Variants in LRMDA observed in about 807,000 individuals in gnomAD.
LRMDA encodes the protein leucine rich melanocyte differentiation associated.
A neutral mutation model predicts 29.8 loss-of-function variants in LRMDA; 18 were observed. The observed-to-expected ratio is 0.60, with a 90% CI of 0.42 to 0.90. The LOEUF (loss-of-function observed/expected upper bound fraction) is 0.90. Ranked by LOEUF, LRMDA falls within the 40% of genes least tolerant of loss-of-function variation. The pLI is 0.00. For missense variants in LRMDA, 273 were observed against 273.9 expected, an observed-to-expected ratio of 1.00 and a Z score of 0.02; for synonymous variants, 125 against 109.4, an observed-to-expected ratio of 1.14 and a Z score of -0.89.
intron 5 of LRMDA, among the ~76,000 whole-genome samples, chr10:76,210,478 G>C (rs1323946090): frequency 6.6e-6 from 1 of 152,162 alleles, no homozygotes; most frequent in Non-Finnish European, 1.5e-5. Context: ...ACTGTACATA[G>C]TAAGTGCTCA....
At chr10:75,492,155 T>G (rs1357653312) in intron 2 of LRMDA, among the ~76,000 whole-genome samples, 1 of 152,254 alleles carries the variant, frequency 6.6e-6, no homozygotes, top group African/African-American at 2.4e-5. Context: ...ATTTCTGCCT[T>G]GGCATGTGAC....
intron 5 of LRMDA, among the ~76,000 whole-genome samples, chr10:76,135,358 A>G (rs1850074487): frequency 6.6e-6 from 1 of 152,176 alleles, no homozygotes; most frequent in Non-Finnish European, 1.5e-5. Flanking sequence ...ATTTGATTTC[A>G]GATTTAAGTG....
chr10:75,996,309 G>A (rs1182553352), intron 2 of LRMDA, among the ~76,000 whole-genome samples: 1 of 152,218 alleles, frequency 6.6e-6, no homozygotes, highest in Non-Finnish European at 1.5e-5. Context: ...TTGAATCTAG[G>A]TTCATGGGGA....
intron 5 of LRMDA, among the ~76,000 whole-genome samples, chr10:76,263,639 T>C (rs1213117601): frequency 6.6e-6 from 1 of 152,198 alleles, no homozygotes; most frequent in Non-Finnish European, 1.5e-5. Context: ...ATCCCTACCG[T>C]CTTGCATAGT....
In LRMDA at chr10:75,852,644, T is replaced by C. The variant is rs527334401; in HGVS notation, c.132-183364T>C. Among the ~76,000 whole-genome samples, 9 of 152,300 alleles carry C rather than the reference T, an allele frequency of 5.9e-5. No homozygotes were observed. In the South Asian group the frequency reaches 1.7e-3, roughly 28 times the overall value. ...GATTGTTAGCAAATCTATTCAGAGC[T>C]GACAAGGAAATTCTCTGTTGCCTAT... On this transcript the variant is annotated intron_variant, in intron 2 of 6. Coordinates refer to ENST00000611255, the MANE Select transcript of LRMDA (RefSeq NM_001305581.2).
intron 5 of LRMDA, among the ~76,000 whole-genome samples, chr10:76,178,854 A>C (rs1850989300): frequency 6.6e-6 from 1 of 152,202 alleles, no homozygotes; most frequent in Admixed American, 6.5e-5. Context: ...TCTCAGAGGA[A>C]ATCCCTCATT....
chr10:76,063,252 AAT>A (rs1848731117), intron 5 of LRMDA, among the ~76,000 whole-genome samples: 1 of 152,304 alleles, frequency 6.6e-6, no homozygotes, highest in South Asian at 2.1e-4. Context: ...TGTGGTAATA[AAT>A]ATGTCTGTGA....
chr10:76,456,067 C>G (rs549729420), intron 6 of LRMDA, among the ~76,000 whole-genome samples: 63 of 152,222 alleles, frequency 4.1e-4, no homozygotes, highest in African/African-American at 1.4e-3. Flanking sequence ...GTATGAATAT[C>G]CCTCAGAGAA....
At chr10:76,262,355 C>T (rs1839954683) in intron 5 of LRMDA, among the ~76,000 whole-genome samples, 1 of 152,196 alleles carries the variant, frequency 6.6e-6, no homozygotes, top group Admixed American at 6.5e-5. Flanking sequence ...CTGCTCCACT[C>T]ATGTACGCGC....
Position 75,969,693 on chromosome 10 carries a change from T to A in LRMDA, c.132-66315T>A, listed in dbSNP as rs577144852. Among the ~76,000 whole-genome samples, 9 of 152,364 alleles carry A rather than the reference T, an allele frequency of 5.9e-5. No homozygotes were observed. In the South Asian group the frequency reaches 1.9e-3, roughly 32 times the overall value. Reference sequence around the variant, plus strand: ...TTTTCTCTTTCTGAAAGAAGGATGATGCCTTTAGTAGCATCTTAAACTATG... The same window carrying A: ...TTTTCTCTTTCTGAAAGAAGGATGAAGCCTTTAGTAGCATCTTAAACTATG... On this transcript the variant is annotated intron_variant, in intron 2 of 6. Coordinates refer to ENST00000611255, the MANE Select transcript of LRMDA (RefSeq NM_001305581.2).
At chr10:75,728,468 G>A (rs1339205783) in intron 2 of LRMDA, among the ~76,000 whole-genome samples, 2 of 145,928 alleles carry the variant, frequency 1.4e-5, no homozygotes, top group Admixed American at 6.7e-5. Context: ...GTGTGTGTGT[G>A]TGTATGAAAG....
chr10:76,420,234 T>G lies in LRMDA; in HGVS notation c.601+95749T>G, dbSNP rs1025167327. On this transcript the variant is annotated intron_variant, in intron 6 of 6. Transcript: ENST00000611255. ...GCATTTAATTACAGATTTAATTTCTTTAAGATATATGACTATTCTATTCTT... is the reference window on the plus strand; with the variant it reads ...GCATTTAATTACAGATTTAATTTCTGTAAGATATATGACTATTCTATTCTT... 5.3e-5 allele frequency among the ~76,000 whole-genome samples: 8 copies of G among 152,152 alleles called. No homozygotes were observed. In the South Asian group the frequency reaches 8.3e-4, roughly 16 times the overall value.
intron 2 of LRMDA, among the ~76,000 whole-genome samples, chr10:75,613,929 G>A (rs537371368): frequency 2.6e-5 from 4 of 152,312 alleles, no homozygotes; most frequent in African/African-American, 9.6e-5. Flanking sequence ...GGGAAATGCA[G>A]TAAAATTTAT....
At chr10:75,848,780 C>A (rs1287791448) in intron 2 of LRMDA, among the ~76,000 whole-genome samples, 1 of 152,152 alleles carries the variant, frequency 6.6e-6, no homozygotes, top group African/African-American at 2.4e-5. Context: ...ACAGCCACAC[C>A]TGCATCACTC....
intron 5 of LRMDA, among the ~76,000 whole-genome samples, chr10:76,320,848 C>T (rs1036804261): frequency 2.0e-5 from 3 of 152,216 alleles, no homozygotes; most frequent in Non-Finnish European, 4.4e-5. Flanking sequence ...CAAACATTTT[C>T]ATGAATTTAG....
intron 2 of LRMDA, among the ~76,000 whole-genome samples, chr10:75,811,984 C>T (rs1229886364): frequency 6.6e-6 from 1 of 152,082 alleles, no homozygotes; most frequent in Admixed American, 6.6e-5. Flanking sequence ...GTGATGCCCA[C>T]CCTGGATTTT....
chr10:76,423,982 G>C (rs1410631328), intron 6 of LRMDA, among the ~76,000 whole-genome samples: 1 of 152,176 alleles, frequency 6.6e-6, no homozygotes, highest in African/African-American at 2.4e-5. Context: ...GAGGGCCAGA[G>C]GGGCTCCTTT....
chr10:75,998,372 G>A (rs1847508011), intron 2 of LRMDA, among the ~76,000 whole-genome samples: 1 of 152,068 alleles, frequency 6.6e-6, no homozygotes, highest in South Asian at 2.1e-4. Context: ...CGATGGTGTG[G>A]CCTCATCACC....
At chr10:75,680,227 T>C (rs747709914) in intron 2 of LRMDA, among the ~76,000 whole-genome samples, 65 of 152,326 alleles carry the variant, frequency 4.3e-4, no homozygotes, top group Non-Finnish European at 6.6e-4. Context: ...TGGAATAACA[T>C]CGTATCCTCA....
Sources: gnomAD v4.1 joint callset for allele counts (sites outside exome capture counted in the v4.1 genomes callset) on GRCh38, gnomAD v4.1.1 for gene constraint, MANE v1.5 for transcripts, NCBI Gene and HGNC (gene_info 2026-07-23, HGNC 2026-07-21) for gene names.